Variants in TGFB1 observed in about 807,000 individuals in gnomAD.
TGFB1 encodes the protein transforming growth factor beta 1, also known as transforming growth factor beta-1 proprotein.
Under a neutral mutation model 43.8 loss-of-function variants are expected in TGFB1, and 19 were observed. The observed-to-expected ratio is 0.43, with a 90% CI of 0.30 to 0.64. TGFB1 has a LOEUF of 0.64. Ranked by LOEUF, TGFB1 falls within the 30% of genes least tolerant of loss-of-function variation. The pLI is 0.11. For missense variants in TGFB1, 445 were observed against 529.8 expected (o/e 0.84, Z 1.57); for synonymous variants, 221 against 236.3 (o/e 0.94, Z 0.60).
At chr19:41,342,145 G>A in intron 4 of TGFB1, 25 bp downstream of exon 4, 1 of 1,610,648 alleles carries the variant, frequency 6.2e-7, no homozygotes. Flanking sequence ...TCACAACTGG[G>A]CATGGCCGGG....
At chr19:41,349,713 C>T (rs1464327269) in intron 1 of TGFB1, among the ~76,000 whole-genome samples, 1 of 152,168 alleles carries the variant, frequency 6.6e-6, no homozygotes, top group South Asian at 2.1e-4. Flanking sequence ...GCCGAGATTG[C>T]GCCACTGCAC....
Position 41,345,602 on chromosome 19 carries a change from G to T in TGFB1, c.517-738C>A, listed in dbSNP as rs376715944. ...ACCCTGAATTCTCAGTAACTTAGAA[G>T]TCATTTCTAATGATTCCGGCTGGGC... On this transcript the variant is annotated intron_variant, in intron 2 of 6. Transcript: ENST00000221930. Among the ~76,000 whole-genome samples, 22 of 151,496 alleles carry T rather than the reference G, an allele frequency of 1.5e-4. 1 individual carries two copies. Among genetic ancestry groups the T allele is most frequent in the Admixed American group, 1.1e-3 (17 of 15,180 alleles).
chr19:41,338,139 C>A (rs1175275028), intron 5 of TGFB1, among the ~76,000 whole-genome samples: 2 of 151,790 alleles, frequency 1.3e-5, no homozygotes, highest in Admixed American at 1.3e-4. Context: ...TTGCAGTGAG[C>A]TGAGATCACT....
At position 41,353,914 on chromosome 19, in the gene TGFB1, G is replaced by T. The variant is rs954508321; in HGVS notation, c.-870C>A. 1.1e-4 allele frequency: 25 copies of T among 235,544 alleles called. No individual in the cohort carries two copies. Among genetic ancestry groups the T allele is most frequent in the African/African-American group, 5.7e-4 (25 of 44,034 alleles). 14.6% of individuals were successfully genotyped at this position (235,544 alleles called of 1,614,324 possible). A position where few individuals can be genotyped will look rare whatever the true frequency, so the allele number is the denominator to read the frequency against. ...GGAGATGGCCCAGGGCGCGAAGGGC[G>T]GCGGCGGCGGGGACCGGCTGGGTCG... On this transcript the variant is annotated 5_prime_UTR_variant, in exon 1 of 7. Transcript: ENST00000221930. This position sits in a 1 kb window ranked among gnomAD's most constrained non-coding sequence, Gnocchi z 5.9.
intron 1 of TGFB1, among the ~76,000 whole-genome samples, chr19:41,350,136 A>G (rs1011382593): frequency 6.6e-6 from 1 of 151,970 alleles, no homozygotes; most frequent in African/African-American, 2.4e-5. Context: ...ATGAGCCACC[A>G]CACCCACCCA....
intron 5 of TGFB1, among the ~76,000 whole-genome samples, chr19:41,341,671 A>G (rs2038057254): frequency 6.6e-6 from 1 of 151,838 alleles, no homozygotes; most frequent in African/African-American, 2.4e-5. Flanking sequence ...CAGCCTCCCA[A>G]AGTGTTGGGA....
At chr19:41,338,723 C>T (rs534982178) in intron 5 of TGFB1, among the ~76,000 whole-genome samples, 1 of 151,152 alleles carries the variant, frequency 6.6e-6, no homozygotes, top group East Asian at 2.0e-4. Context: ...CCTGTGGTCC[C>T]AGCTACTCGG....
intron 2 of TGFB1, among the ~76,000 whole-genome samples, chr19:41,345,230 C>T (rs1443686490): frequency 6.6e-6 from 1 of 152,232 alleles, no homozygotes; most frequent in East Asian, 1.9e-4. Context: ...GGCGCAGTGG[C>T]TCACGCCTGT....
At chr19:41,349,759 A>AAAC (rs758947508) in intron 1 of TGFB1, among the ~76,000 whole-genome samples, 1 of 152,120 alleles carries the variant, frequency 6.6e-6, no homozygotes, top group Non-Finnish European at 1.5e-5. Context: ...TCTGTCTCAA[A>AAAC]AACAACAACA....
At chr19:41,333,933 G>T (rs11466353) in intron 5 of TGFB1, among the ~76,000 whole-genome samples, 6,430 of 152,334 alleles carry the variant, frequency 0.042, 213 homozygotes, top group Non-Finnish European at 0.066. Context: ...CGCTGGATGA[G>T]AGTTTACGGG....
chr19:41,352,899 A>G lies in TGFB1; in HGVS notation c.146T>C (p.Ile49Thr). The G allele has an allele frequency of 6.4e-7, 1 of 1,559,934 alleles. No homozygotes were observed. Among genetic ancestry groups the G allele is most frequent in the Non-Finnish European group, 8.7e-7 (1 of 1,153,378 alleles). Residue 49 changes from isoleucine (I) to threonine (T), a missense_variant, in exon 1 of 7, where the codon ATC (isoleucine) becomes ACC (threonine). Around this residue, in one of 3 missense-constraint regions of TGFB1, gnomAD observed 366 missense variants for 428.8 expected, o/e 0.85. Transcript: ENST00000221930. ...CAGCTTGGACAGGATCTGGCCGCGG[A>G]TGGCCTCGATGCGCTTCCGCTTCAC... ...ELVKRKRIEAIRGQILSKLRL... is the reference protein window; with the variant it reads ...ELVKRKRIEATRGQILSKLRL...
chr19:41,334,213 A>G (rs1006152926), intron 5 of TGFB1, among the ~76,000 whole-genome samples: 2 of 151,896 alleles, frequency 1.3e-5, no homozygotes, highest in East Asian at 2.0e-4. Flanking sequence ...CGTCTCTACT[A>G]AAAATACAAA....
At chr19:41,347,599 A>G (rs1007818794) in intron 2 of TGFB1, among the ~76,000 whole-genome samples, 2 of 152,086 alleles carry the variant, frequency 1.3e-5, no homozygotes, top group Non-Finnish European at 2.9e-5. Context: ...AGGCTCAGGT[A>G]GGAGAATCAC....
chr19:41,333,197 C>CT (rs1181371139), intron 5 of TGFB1, among the ~76,000 whole-genome samples: 6 of 143,216 alleles, frequency 4.2e-5, no homozygotes, highest in African/African-American at 7.9e-5. Context: ...TTCATTTCTT[C>CT]TTTTTTTTTC....
chr19:41,344,723 G>C (rs1411965934), intron 3 of TGFB1, 24 bp downstream of exon 3: 14 of 1,606,012 alleles, frequency 8.7e-6, no homozygotes, highest in Non-Finnish European at 1.2e-5. Flanking sequence ...AGAAACAGGG[G>C]TGGGACACAC....
chr19:41,338,462 C>G (rs2038014908), intron 5 of TGFB1, among the ~76,000 whole-genome samples: 1 of 150,994 alleles, frequency 6.6e-6, no homozygotes, highest in African/African-American at 2.4e-5. Context: ...TGCCATTACA[C>G]TCCAGCCTGA....
chr19:41,344,785 T>C lies in TGFB1; in HGVS notation c.596A>G (p.Asp199Gly). 1 of 1,613,842 alleles carries C rather than the reference T, an allele frequency of 6.2e-7. No homozygotes were observed. The highest frequency in any genetic ancestry group is 8.5e-7 in the Non-Finnish European group (1 of 1,179,932). Residue 199 changes from aspartate (D) to glycine (G), a missense_variant, in exon 3 of 7, where the codon GAT (aspartate) becomes GGT (glycine). By Grantham distance (94) the Asp-to-Gly change is moderately conservative. Transcript: ENST00000221930. ...CCACTGCCGCACAACTCCGGTGACA[T>C]CAAAAGATAACCACTCTGGCGAGTC... ...PSDSPEWLSF[D>G]VTGVVRQWLS...
At chr19:41,346,342 C>T (rs1434906186) in intron 2 of TGFB1, among the ~76,000 whole-genome samples, 2 of 152,126 alleles carry the variant, frequency 1.3e-5, no homozygotes. Context: ...AGGAGCAAAA[C>T]TCCATCACAC....
intron 5 of TGFB1, among the ~76,000 whole-genome samples, chr19:41,341,323 T>G (rs2038052068): frequency 1.3e-5 from 2 of 151,678 alleles, no homozygotes; most frequent in Admixed American, 1.3e-4. Context: ...AAAAATTAGC[T>G]GGGCGTGGTG....
Sources: gnomAD v4.1 joint callset for allele counts (sites outside exome capture counted in the v4.1 genomes callset) on GRCh38, gnomAD v4.1.1 for gene constraint, gnomAD v4.1.1 regional missense constraint, Gnocchi (gnomAD v3.1) non-coding constraint, MANE v1.5 for transcripts, NCBI Gene and HGNC (gene_info 2026-07-23, HGNC 2026-07-21) for gene names.